GLP2R: variants seen among roughly 807,000 people sequenced by gnomAD.
The protein encoded by GLP2R is glucagon like peptide 2 receptor.
A neutral mutation model predicts 68.2 loss-of-function variants in GLP2R; 59 were observed. The observed-to-expected ratio is 0.87, with a 90% CI of 0.70 to 1.07. The LOEUF (loss-of-function observed/expected upper bound fraction) is 1.07. Among genes scored for constraint, GLP2R ranks in the 50% least tolerant of loss-of-function variants. The probability of loss-of-function intolerance (pLI) is 0.00; values close to 1 mark genes in which losing one functional copy is unlikely to be tolerated. For synonymous variants in GLP2R, 270 were observed against 265.4 expected (o/e 1.02, Z -0.17); for missense variants, 548 against 677.4 (o/e 0.81, Z 2.12).
chr17:9,878,378 G>A lies in GLP2R; in HGVS notation c.1146-2000G>A, dbSNP rs111756905. Reference sequence around the variant, plus strand: ...GTGGCCTAAGCAAAAGTTGTCTGCAGGTCAGTTACTATCCATGGTCACCAC... The same window carrying A: ...GTGGCCTAAGCAAAAGTTGTCTGCAAGTCAGTTACTATCCATGGTCACCAC... On this transcript the variant is annotated intron_variant, in intron 10 of 12. Coordinates refer to ENST00000262441, the MANE Select transcript of GLP2R (RefSeq NM_004246.3). Among the ~76,000 whole-genome samples the A allele has an allele frequency of 2.3e-3, 346 of 152,310 alleles. 1 individual carries two copies. The highest frequency in any genetic ancestry group is 7.9e-3 in the African/African-American group (328 of 41,562).
rs2067290054 is a variant in GLP2R, at chr17:9,891,463, G to A, written c.*1758G>A. On this transcript the variant is annotated 3_prime_UTR_variant, in exon 13 of 13. Transcript: ENST00000262441. ...GGCAGGATAAGGGTGAGGCAGGAGA[G>A]GCCAGCTCTTGCAAGTGCAGGCTCT... The A allele has an allele frequency of 6.6e-6, 1 of 152,218 alleles. No homozygotes were observed. Among genetic ancestry groups the A allele is most frequent in the Non-Finnish European group, 1.5e-5 (1 of 68,036 alleles). The allele number at this position is 152,218 out of a possible 1,614,324, so 9.4% of individuals were successfully genotyped here.
chr17:9,838,898 A>G (rs888054573), intron 3 of GLP2R, among the ~76,000 whole-genome samples: 10 of 152,230 alleles, frequency 6.6e-5, no homozygotes, highest in Non-Finnish European at 1.3e-4. Flanking sequence ...CTGTAGTCCC[A>G]GCTACTCCGG....
chr17:9,867,081 C>T (rs1597395435), intron 9 of GLP2R: 1 of 152,322 alleles, frequency 6.6e-6, no homozygotes, highest in South Asian at 2.1e-4. Context: ...GAGCTAGTAG[C>T]ACTTGGCATT....
chr17:9,872,339 G>A (rs1462243268), intron 10 of GLP2R, among the ~76,000 whole-genome samples: 1 of 152,200 alleles, frequency 6.6e-6, no homozygotes, highest in Admixed American at 6.5e-5. Context: ...TACTTTGGGA[G>A]GCCAAGGTGG....
chr17:9,876,388 C>T (rs2067142623), intron 10 of GLP2R, among the ~76,000 whole-genome samples: 2 of 152,172 alleles, frequency 1.3e-5, no homozygotes, highest in South Asian at 4.2e-4. Flanking sequence ...AAGGAAGACC[C>T]AAAGAAATGG....
At chr17:9,836,039 C>CAA (rs10706067) in intron 2 of GLP2R, among the ~76,000 whole-genome samples, 17 of 87,160 alleles carry the variant, frequency 2.0e-4, no homozygotes, top group African/African-American at 2.8e-4. Flanking sequence ...ACTCCATCTC[C>CAA]AAAAAAAAAA....
intron 4 of GLP2R, 88 bp from the exon 5 acceptor site, chr17:9,854,407 G>A (rs1210634549): frequency 5.0e-6 from 4 of 792,360 alleles, no homozygotes; most frequent in African/African-American, 1.7e-5. Context: ...TCCATGCCTA[G>A]GCCCTTGGTG....
chr17:9,842,628 C>G lies in GLP2R; in HGVS notation c.504+12C>G, dbSNP rs371267726. The G allele has an allele frequency of 2.0e-5, 32 of 1,612,868 alleles. No individual in the cohort carries two copies. The highest frequency in any genetic ancestry group is 1.6e-5 in the Non-Finnish European group (19 of 1,179,926). On this transcript the variant is annotated intron_variant, in intron 4 of 12. Transcript: ENST00000262441. ...GCTTCAAGCAAAACGTGAGTTTGCT[C>G]AGCTCAGTGAGGAGGCATCCAGGGT...
At chr17:9,828,385 T>A (rs1567715230) in intron 1 of GLP2R, among the ~76,000 whole-genome samples, 1 of 152,222 alleles carries the variant, frequency 6.6e-6, no homozygotes, top group Non-Finnish European at 1.5e-5. Context: ...CATTCATCCT[T>A]GCTTCCATTC....
chr17:9,847,566 C>A lies in GLP2R; in HGVS notation c.504+4950C>A, dbSNP rs532920147. The stretch of plus-strand genomic sequence containing the variant: ...TACAGGTGTGAGCCACCGCGCCCGG[C>A]CATCGTTTAATTTTTAAGAATGCTC... On this transcript the variant is annotated intron_variant, in intron 4 of 12. Coordinates refer to ENST00000262441, the MANE Select transcript of GLP2R (RefSeq NM_004246.3). Among the ~76,000 whole-genome samples, 4 of 152,234 alleles carry A rather than the reference C, an allele frequency of 2.6e-5. No individual in the cohort carries two copies. The East Asian group carries it at 7.7e-4, about 29-fold the overall frequency.
intron 8 of GLP2R, among the ~76,000 whole-genome samples, chr17:9,861,465 T>C (rs2066986811): frequency 6.6e-6 from 1 of 152,172 alleles, no homozygotes; most frequent in South Asian, 2.1e-4. Flanking sequence ...ACAAGAGTGG[T>C]TACTGCAGTA....
chr17:9,853,108 C>T (rs534297343), intron 4 of GLP2R: 3 of 531,888 alleles, frequency 5.6e-6, no homozygotes, highest in East Asian at 4.4e-5. Flanking sequence ...GGACTGCCTT[C>T]GTCATTCATT....
intron 2 of GLP2R, among the ~76,000 whole-genome samples, chr17:9,834,268 T>A (rs1424857643): frequency 1.3e-5 from 2 of 152,180 alleles, no homozygotes; most frequent in African/African-American, 2.4e-5. Context: ...ACAGACCCCA[T>A]GCCCCACTGT....
chr17:9,857,934 T>C (rs1409927788), intron 6 of GLP2R, among the ~76,000 whole-genome samples: 1 of 152,232 alleles, frequency 6.6e-6, no homozygotes, highest in African/African-American at 2.4e-5. Flanking sequence ...AGAAGATACC[T>C]GGGAATAAAA....
intron 3 of GLP2R, among the ~76,000 whole-genome samples, chr17:9,836,969 C>A (rs1358013712): frequency 1.3e-5 from 2 of 152,090 alleles, no homozygotes; most frequent in East Asian, 3.9e-4. Context: ...CCTGCCTCAG[C>A]CTCCCGAGTA....
At chr17:9,849,101 A>T (rs542276335) in intron 4 of GLP2R, among the ~76,000 whole-genome samples, 18 of 151,728 alleles carry the variant, frequency 1.2e-4, no homozygotes, top group Non-Finnish European at 2.2e-4. Flanking sequence ...ATACGTTTAA[A>T]ATTTTAATAT....
Position 9,890,314 on chromosome 17 carries a change from G to A in GLP2R, c.*609G>A. The A allele has an allele frequency of 3.2e-6, 1 of 316,464 alleles. No homozygotes were observed. Among genetic ancestry groups the A allele is most frequent in the South Asian group, 2.7e-5 (1 of 37,024 alleles). 19.6% of individuals were successfully genotyped at this position (316,464 alleles called of 1,614,324 possible). A position where few individuals can be genotyped will look rare whatever the true frequency, so the allele number is the denominator to read the frequency against. ...GGCAGGATGCTGCAAGAGACAGTCT[G>A]CTCTCCCAGGTCAGCTGGGGTGTGC... On this transcript the variant is annotated 3_prime_UTR_variant, in exon 13 of 13. Transcript: ENST00000262441.
At chr17:9,887,163 C>T (rs1245260794) in intron 11 of GLP2R, among the ~76,000 whole-genome samples, 1 of 151,794 alleles carries the variant, frequency 6.6e-6, no homozygotes, top group Non-Finnish European at 1.5e-5. Flanking sequence ...ACATGACTGA[C>T]AGCCCTGCCA....
intron 7 of GLP2R, among the ~76,000 whole-genome samples, chr17:9,860,498 C>G (rs1219640255): frequency 1.3e-5 from 2 of 152,140 alleles, no homozygotes; most frequent in Admixed American, 6.5e-5. Context: ...GGGCTCTTTT[C>G]CTGGCTTGCA....
Sources: gnomAD v4.1 joint callset for allele counts (sites outside exome capture counted in the v4.1 genomes callset) on GRCh38, gnomAD v4.1.1 for gene constraint, MANE v1.5 for transcripts, NCBI Gene and HGNC (gene_info 2026-07-23, HGNC 2026-07-21) for gene names.